UGT1A7: variants seen among roughly 807,000 people sequenced by gnomAD.
UGT1A7 encodes the protein UDP glucuronosyltransferase family 1 member A7, also known as UDP-glucuronosyltransferase 1A7.
In UGT1A7, 33 loss-of-function variants were observed where a neutral mutation model predicts 45.6. The ratio of observed to expected loss-of-function variants is 0.72; its 90% CI spans 0.55 to 0.97. UGT1A7 has a LOEUF of 0.97. Among genes scored for constraint, UGT1A7 ranks in the 50% least tolerant of loss-of-function variants. UGT1A7 has a pLI of 0.00. For missense variants in UGT1A7, 684 were observed against 666.2 expected (o/e 1.03, Z -0.29); for synonymous variants, 274 against 250.6 (o/e 1.09, Z -0.88).
At position 233,747,438 on chromosome 2, in the gene UGT1A7, A is replaced by G; in HGVS notation, c.856-19596A>G. The G allele has an allele frequency of 1.2e-6, 2 of 1,608,812 alleles. 1 individual carries two copies. On this transcript the variant is annotated intron_variant, in intron 1 of 4. Transcript: ENST00000373426. ...GCACATCAAACAAGAGAAATTTTTC[A>G]CCCTGACAACCTATGCCATTTCATG...
intron 1 of UGT1A7, chr2:233,719,247 G>A: frequency 1.2e-6 from 2 of 1,614,186 alleles, no homozygotes. Context: ...GCACCTGAAT[G>A]CTACTTCCTT....
chr2:233,757,637 C>T (rs375047032), intron 1 of UGT1A7, among the ~76,000 whole-genome samples: 1 of 148,590 alleles, frequency 6.7e-6, no homozygotes, highest in Non-Finnish European at 1.5e-5. Context: ...CAGAACAGAA[C>T]AAAATGCTGT....
At chr2:233,719,420 C>T in intron 1 of UGT1A7, 1 of 1,613,820 alleles carries the variant, frequency 6.2e-7, no homozygotes, top group Non-Finnish European at 8.5e-7. Flanking sequence ...TACTAACGAC[C>T]AATTCAGACC....
At chr2:233,720,954 GC>G (rs1192605512) in intron 1 of UGT1A7, among the ~76,000 whole-genome samples, 1 of 149,064 alleles carries the variant, frequency 6.7e-6, no homozygotes, top group Non-Finnish European at 1.5e-5. Flanking sequence ...CATGTGATCT[GC>G]CCGCCTCGGC....
intron 1 of UGT1A7, among the ~76,000 whole-genome samples, chr2:233,714,888 A>ATCTTTTTTATTT (rs148944858): frequency 1.7e-4 from 26 of 151,790 alleles, no homozygotes; most frequent in Non-Finnish European, 2.9e-4. Flanking sequence ...AAATTTTTCT[A>ATCTTTTTTATTT]TCTTTTGAGA....
At chr2:233,763,919 C>T (rs748972276) in intron 1 of UGT1A7, among the ~76,000 whole-genome samples, 11 of 152,168 alleles carry the variant, frequency 7.2e-5, no homozygotes, top group African/African-American at 2.4e-4. Context: ...ACCAAGGCTT[C>T]GAGATGGCCA....
intron 1 of UGT1A7, among the ~76,000 whole-genome samples, chr2:233,711,920 G>C (rs1379461023): frequency 1.3e-5 from 2 of 152,120 alleles, no homozygotes; most frequent in Non-Finnish European, 2.9e-5. Flanking sequence ...GAGTGCTCAG[G>C]GTCTCTCCAT....
At chr2:233,744,245 C>T (rs1692747856) in intron 1 of UGT1A7, among the ~76,000 whole-genome samples, 1 of 151,742 alleles carries the variant, frequency 6.6e-6, no homozygotes, top group Non-Finnish European at 1.5e-5. Flanking sequence ...ACTTTGGCTG[C>T]CTGAAGAACT....
intron 1 of UGT1A7, among the ~76,000 whole-genome samples, chr2:233,737,754 T>C (rs1342701991): frequency 6.6e-6 from 1 of 152,182 alleles, no homozygotes; most frequent in Non-Finnish European, 1.5e-5. Context: ...AGTTTTTCAA[T>C]GTGAACATAT....
At chr2:233,726,389 CAT>C (rs2077529485) in intron 1 of UGT1A7, among the ~76,000 whole-genome samples, 1 of 152,150 alleles carries the variant, frequency 6.6e-6, no homozygotes, top group Non-Finnish European at 1.5e-5. Flanking sequence ...GCTTCCATCT[CAT>C]AGTCTTTTGA....
At position 233,682,283 on chromosome 2, in the gene UGT1A7, AT is replaced by A. The variant is rs761783862; in HGVS notation, c.351del (p.Phe117LeufsTer17). On this transcript the variant is annotated frameshift_variant, in exon 1 of 5. Transcript: ENST00000373426. LOFTEE classifies it high-confidence loss of function. Reference sequence around the variant, plus strand: ...TCTATTAACAAGTTCATCCAATGGTATTTTTGACTTATTTTTTTCAAATTGC... The same window carrying A: ...TCTATTAACAAGTTCATCCAATGGTATTTTGACTTATTTTTTTCAAATTGC... ...FSLLTSSSNG[I>X]FDLFFSNCRS... The A allele has an allele frequency of 7.4e-6, 12 of 1,614,164 alleles. No homozygotes were observed. The highest frequency in any genetic ancestry group is 9.3e-6 in the Non-Finnish European group (11 of 1,180,012).
At chr2:233,763,486 T>C (rs771875689) in intron 1 of UGT1A7, among the ~76,000 whole-genome samples, 1 of 152,218 alleles carries the variant, frequency 6.6e-6, no homozygotes, top group Non-Finnish European at 1.5e-5. Flanking sequence ...TGATTGTAAC[T>C]CTCTCAGTTT....
intron 1 of UGT1A7, chr2:233,691,488 G>C: frequency 1.0e-6 from 1 of 985,788 alleles, no homozygotes; most frequent in Non-Finnish European, 1.2e-6. Flanking sequence ...ACTTGTGGGT[G>C]GGAACAGGAA....
At chr2:233,690,077 A>T (rs2074974121) in intron 1 of UGT1A7, among the ~76,000 whole-genome samples, 1 of 152,214 alleles carries the variant, frequency 6.6e-6, no homozygotes, top group Non-Finnish European at 1.5e-5. Flanking sequence ...ACAGCCTATC[A>T]AATAGATTAA....
chr2:233,695,432 CTTCT>C (rs1351238624), intron 1 of UGT1A7, among the ~76,000 whole-genome samples: 3 of 151,108 alleles, frequency 2.0e-5, no homozygotes, highest in Non-Finnish European at 1.5e-5. Flanking sequence ...CCTTCTTCTT[CTTCT>C]TTTTTTTTTG....
Position 233,727,783 on chromosome 2 carries a change from T to A in UGT1A7, c.856-39251T>A, listed in dbSNP as rs377176798. Among the ~76,000 whole-genome samples, 8 of 152,336 alleles carry A rather than the reference T, an allele frequency of 5.3e-5. No individual in the cohort carries two copies. The East Asian group carries it at 7.7e-4, about 15-fold the overall frequency. Reference sequence around the variant, plus strand: ...AGCTGGGTGTCCCCCAGTAGACGCTTCCATTCACTGCCTGTCCCATGGGTT... The same window carrying A: ...AGCTGGGTGTCCCCCAGTAGACGCTACCATTCACTGCCTGTCCCATGGGTT... On this transcript the variant is annotated intron_variant, in intron 1 of 4. Coordinates refer to ENST00000373426, the MANE Select transcript of UGT1A7 (RefSeq NM_019077.3).
chr2:233,760,908 G>A lies in UGT1A7; in HGVS notation c.856-6126G>A, dbSNP rs1697607352. On this transcript the variant is annotated intron_variant, in intron 1 of 4. Coordinates refer to ENST00000373426, the MANE Select transcript of UGT1A7 (RefSeq NM_019077.3). ...CTCATTCAGATCACATGACCTTCCT[G>A]CAGCGGGTGAAGAACATGCTCATTG... 7 of 1,614,034 alleles carry A rather than the reference G, an allele frequency of 4.3e-6. No individual in the cohort carries two copies. The Middle Eastern group carries it at 6.6e-4, about 152-fold the overall frequency.
intron 1 of UGT1A7, among the ~76,000 whole-genome samples, chr2:233,720,993 G>A (rs776198260): frequency 1.1e-4 from 17 of 151,662 alleles, no homozygotes; most frequent in Non-Finnish European, 2.1e-4. Context: ...TTACAGGCAA[G>A]AGCCACCAAG....
intron 1 of UGT1A7, among the ~76,000 whole-genome samples, chr2:233,720,134 A>G (rs562111913): frequency 6.6e-6 from 1 of 152,212 alleles, no homozygotes; most frequent in South Asian, 2.1e-4. Flanking sequence ...ACCACAGGAG[A>G]CCTAGGCACT....
Sources: gnomAD v4.1 joint callset for allele counts (sites outside exome capture counted in the v4.1 genomes callset) on GRCh38, gnomAD v4.1.1 for gene constraint, MANE v1.5 for transcripts, NCBI Gene and HGNC (gene_info 2026-07-23, HGNC 2026-07-21) for gene names.